The following ADAMTS20 variants were observed in gnomAD, a reference collection of about 807,000 sequenced individuals.
ADAMTS20 encodes ADAM metallopeptidase with thrombospondin type 1 motif 20.
A neutral mutation model predicts 260.1 loss-of-function variants in ADAMTS20; 225 were observed. The ratio of observed to expected loss-of-function variants is 0.87; its 90% confidence interval spans 0.78 to 0.97. The LOEUF is 0.97. Ranked by LOEUF, ADAMTS20 falls within the 50% of genes least tolerant of loss-of-function variation. ADAMTS20 has a pLI of 0.00. For synonymous variants in ADAMTS20, 802 were observed against 769.5 expected, an observed-to-expected ratio of 1.04 and a Z score of -0.70; for missense variants, 2,400 against 2,337.7, an observed-to-expected ratio of 1.03 and a Z score of -0.55.
In ADAMTS20 at chr12:43,368,379, T is replaced by A. The variant is rs1038343007; in HGVS notation, c.5538+911A>T. 2.0e-5 allele frequency among the ~76,000 whole-genome samples: 3 copies of A among 152,220 alleles called. 1 individual carries two copies. The highest frequency in any genetic ancestry group is 1.5e-5 in the Non-Finnish European group (1 of 67,964). On this transcript the variant is annotated intron_variant, in intron 37 of 38. Transcript: ENST00000389420. ...TCCGTTTGAGTTTCTGGACCTAAGT[T>A]AAGATGTATAGATTTATTCAGGTTC...
intron 19 of ADAMTS20, among the ~76,000 whole-genome samples, chr12:43,433,481 G>A (rs1941488561): frequency 6.6e-6 from 1 of 152,220 alleles, no homozygotes; most frequent in South Asian, 2.1e-4. Context: ...TGTAGTGGAT[G>A]CAACTTATAT....
intron 28 of ADAMTS20, among the ~76,000 whole-genome samples, chr12:43,403,984 T>G (rs982242334): frequency 6.6e-6 from 1 of 152,154 alleles, no homozygotes; most frequent in African/African-American, 2.4e-5. Context: ...GTGCTGAGTT[T>G]AAATCTCATT....
At chr12:43,511,493 G>A (rs1270361081) in intron 3 of ADAMTS20, among the ~76,000 whole-genome samples, 1 of 152,042 alleles carries the variant, frequency 6.6e-6, no homozygotes, top group Non-Finnish European at 1.5e-5. Context: ...TGGAAAGAAA[G>A]AAAAAGGATT....
chr12:43,413,032 A>G (rs1941062860), intron 28 of ADAMTS20, among the ~76,000 whole-genome samples: 2 of 151,924 alleles, frequency 1.3e-5, no homozygotes, highest in African/African-American at 2.4e-5. Flanking sequence ...GAAGGTCTCG[A>G]TCTTCTGACC....
chr12:43,524,648 A>C lies in ADAMTS20; in HGVS notation c.613+7388T>G, dbSNP rs141284235. Among the ~76,000 whole-genome samples, 125 of 152,316 alleles carry C rather than the reference A, an allele frequency of 8.2e-4. 2 individuals carry two copies. The highest frequency in any genetic ancestry group is 2.6e-3 in the African/African-American group (110 of 41,582). ...CATGAATGGAAAAAATTTTAAAGAG[A>C]TAGATATCAAAGAAAAATCAATCAG... On this transcript the variant is annotated intron_variant, in intron 3 of 38. Transcript: ENST00000389420.
At chr12:43,386,784 T>G (rs1000153902) in intron 29 of ADAMTS20, among the ~76,000 whole-genome samples, 2 of 152,258 alleles carry the variant, frequency 1.3e-5, no homozygotes, top group Non-Finnish European at 2.9e-5. Context: ...ATTCAGCTAT[T>G]GATACTTGTG....
intron 3 of ADAMTS20, among the ~76,000 whole-genome samples, chr12:43,507,840 C>T (rs1369468335): frequency 2.0e-5 from 3 of 152,128 alleles, no homozygotes; most frequent in East Asian, 1.9e-4. Flanking sequence ...TTTTGGAGGA[C>T]ATGGATGAAG....
chr12:43,510,011 G>A (rs61926798), intron 3 of ADAMTS20, among the ~76,000 whole-genome samples: 1 of 151,982 alleles, frequency 6.6e-6, no homozygotes, highest in Non-Finnish European at 1.5e-5. Context: ...GAAAATCCCA[G>A]GAGACTAAAT....
chr12:43,389,695 T>A (rs1413062161), intron 29 of ADAMTS20, among the ~76,000 whole-genome samples: 3 of 151,592 alleles, frequency 2.0e-5, no homozygotes, highest in Non-Finnish European at 4.4e-5. Flanking sequence ...CCAGGTTTTT[T>A]TTGTTTTTGT....
intron 32 of ADAMTS20, 33 bp from the exon 33 acceptor site, chr12:43,376,686 T>C: frequency 6.3e-7 from 1 of 1,584,018 alleles, no homozygotes. Flanking sequence ...AGGCAAACTA[T>C]ATTATGAATC....
At chr12:43,530,301 T>A (rs2087909887) in intron 3 of ADAMTS20, among the ~76,000 whole-genome samples, 1 of 152,126 alleles carries the variant, frequency 6.6e-6, no homozygotes, top group South Asian at 2.1e-4. Flanking sequence ...AGCTAAACAA[T>A]TCATTAAACA....
chr12:43,416,823 A>G (rs1003548697), intron 28 of ADAMTS20, among the ~76,000 whole-genome samples: 3 of 152,092 alleles, frequency 2.0e-5, no homozygotes, highest in East Asian at 1.9e-4. Context: ...CGCCCGGCCA[A>G]ACTGAACTAC....
chr12:43,439,710 A>G lies in ADAMTS20; in HGVS notation c.2505T>C (p.Tyr835=), dbSNP rs545259784. 3.1e-6 allele frequency: 5 copies of G among 1,613,802 alleles called. No individual in the cohort carries two copies. In the South Asian group the frequency reaches 4.4e-5, roughly 14 times the overall value. ...VGNLYNPDVH[Y]SFNIPLEERS... ...TCTCTTCCAAAGGGATATTGAAGGA[A>G]TAATGTACATCAGGGTTGTATAAAT... Residue 835 remains tyrosine, a synonymous_variant, in exon 18 of 39, where the codon TAT becomes TAC. Coordinates refer to ENST00000389420, the MANE Select transcript of ADAMTS20 (RefSeq NM_025003.5).
At chr12:43,544,055 T>C (rs1025785660) in intron 2 of ADAMTS20, among the ~76,000 whole-genome samples, 13 of 152,234 alleles carry the variant, frequency 8.5e-5, no homozygotes, top group African/African-American at 2.9e-4. Context: ...AAATGAACAA[T>C]GTGTTTCTTC....
At chr12:43,531,529 C>A (rs536966039) in intron 3 of ADAMTS20, among the ~76,000 whole-genome samples, 1 of 152,142 alleles carries the variant, frequency 6.6e-6, no homozygotes, top group African/African-American at 2.4e-5. Context: ...AGATCATGTC[C>A]TTCAATATTT....
intron 37 of ADAMTS20, among the ~76,000 whole-genome samples, chr12:43,358,883 G>T (rs1939807861): frequency 6.6e-6 from 1 of 150,468 alleles, no homozygotes; most frequent in Non-Finnish European, 1.5e-5. Flanking sequence ...AACTATAAGT[G>T]CCATAAAAAG....
intron 7 of ADAMTS20, among the ~76,000 whole-genome samples, chr12:43,477,466 A>C (rs1319150398): frequency 6.6e-6 from 1 of 152,180 alleles, no homozygotes; most frequent in Non-Finnish European, 1.5e-5. Flanking sequence ...TTAGAGCAAC[A>C]AGTGCCTATT....
At chr12:43,501,460 T>A (rs532721880) in intron 4 of ADAMTS20, among the ~76,000 whole-genome samples, 1 of 92,098 alleles carries the variant, frequency 1.1e-5, no homozygotes, top group Non-Finnish European at 2.3e-5. Context: ...TGGAGGGGGA[T>A]ACGCGCGCGC....
At chr12:43,543,032 G>A (rs771322221) in intron 2 of ADAMTS20, among the ~76,000 whole-genome samples, 25 of 152,276 alleles carry the variant, frequency 1.6e-4, no homozygotes, top group Non-Finnish European at 2.9e-4. Flanking sequence ...TGGGCACTTG[G>A]CTCATGCCCG....
Sources: allele counts gnomAD v4.1 joint callset (sites outside exome capture counted in the v4.1 genomes callset), GRCh38; gene constraint gnomAD v4.1.1; transcripts MANE v1.5; gene names NCBI Gene and HGNC (gene_info 2026-07-23, HGNC 2026-07-21).